The following GRM7 variants were observed in gnomAD, a reference collection of about 807,000 sequenced individuals.
GRM7 encodes the protein glutamate metabotropic receptor 7.
In GRM7, 35 loss-of-function variants were observed where a neutral mutation model predicts 84.5. The ratio of observed to expected loss-of-function variants is 0.41; its 90% CI spans 0.32 to 0.55. The LOEUF (loss-of-function observed/expected upper bound fraction) is 0.55, where lower values mean the gene tolerates loss of function less well. Among genes scored for constraint, GRM7 ranks in the 20% least tolerant of loss-of-function variants. The probability of loss-of-function intolerance (pLI) is 0.19; values close to 1 mark genes in which losing one functional copy is unlikely to be tolerated. For missense variants in GRM7, 1,003 were observed against 1,194.6 expected (o/e 0.84, Z 2.36); for synonymous variants, 487 against 455.1 (o/e 1.07, Z -0.89).
intron 1 of GRM7, among the ~76,000 whole-genome samples, chr3:7,118,246 C>G (rs911406906): frequency 6.6e-6 from 1 of 151,604 alleles, no homozygotes; most frequent in African/African-American, 2.4e-5. Flanking sequence ...TAAAAATTAG[C>G]TGGGCATGGT....
intron 2 of GRM7, among the ~76,000 whole-genome samples, chr3:7,187,556 G>T (rs1695561886): frequency 1.3e-5 from 2 of 152,222 alleles, no homozygotes; most frequent in African/African-American, 4.8e-5. Context: ...TGAAGCAACA[G>T]TGTTACAGGT....
chr3:7,284,507 C>T (rs1270277585), intron 2 of GRM7, among the ~76,000 whole-genome samples: 6 of 152,030 alleles, frequency 3.9e-5, no homozygotes, highest in Non-Finnish European at 1.5e-5. Flanking sequence ...TTTATCTTGC[C>T]TCTTTATCGC....
At position 6,863,023 on chromosome 3, in the gene GRM7, G is replaced by T. The variant is rs1325625678; in HGVS notation, c.519+1116G>T. ...CTGGGTAGGAATGAGTGGCTTTGGG[G>T]TTTGGAAATTGAGTTTCAGGGTCTC... is the stretch of plus-strand genomic sequence containing the variant. On this transcript the variant is annotated intron_variant, in intron 1 of 9. Transcript: ENST00000357716. The surrounding 1 kb of genome is among the most constrained non-coding windows in gnomAD (Gnocchi z 4.8). The T allele has an allele frequency of 4.4e-6, 2 of 455,824 alleles. No individual in the cohort carries two copies. Among genetic ancestry groups the T allele is most frequent in the Admixed American group, 4.7e-5 (2 of 42,468 alleles). The allele number at this position is 455,824 out of a possible 1,614,324, so 28.2% of individuals were successfully genotyped here.
chr3:7,387,378 G>A (rs1323637655), intron 4 of GRM7, among the ~76,000 whole-genome samples: 2 of 152,168 alleles, frequency 1.3e-5, no homozygotes, highest in Non-Finnish European at 2.9e-5. Flanking sequence ...CCAATGCCTA[G>A]AAGAGTTTTC....
chr3:6,864,642 G>A (rs1485782040), intron 1 of GRM7, among the ~76,000 whole-genome samples: 5 of 152,166 alleles, frequency 3.3e-5, no homozygotes, highest in Admixed American at 2.6e-4. Flanking sequence ...GTTCCCTGCA[G>A]GTTGCTTTAG....
chr3:7,369,923 C>T (rs79706002), intron 4 of GRM7, among the ~76,000 whole-genome samples: 11,074 of 152,026 alleles, frequency 0.073, 428 homozygotes, highest in Non-Finnish European at 0.09. Context: ...TCTTCTATTC[C>T]GATCTAGTCG....
intron 9 of GRM7, among the ~76,000 whole-genome samples, chr3:7,684,483 A>T (rs1237313887): frequency 6.6e-6 from 1 of 152,174 alleles, no homozygotes; most frequent in Non-Finnish European, 1.5e-5. Flanking sequence ...TTCACTTTTA[A>T]CAGCTCTGCT....
chr3:7,044,903 G>T (rs1190691328), intron 1 of GRM7, among the ~76,000 whole-genome samples: 1 of 152,238 alleles, frequency 6.6e-6, no homozygotes, highest in Admixed American at 6.5e-5. Flanking sequence ...TGCTCAATTT[G>T]CAGGTCATTT....
At chr3:6,881,588 A>C (rs1268369732) in intron 1 of GRM7, among the ~76,000 whole-genome samples, 2 of 128,908 alleles carry the variant, frequency 1.6e-5, no homozygotes, top group Non-Finnish European at 1.8e-5. Flanking sequence ...AACTCAAACA[A>C]ATTTTAAAGA....
intron 8 of GRM7, among the ~76,000 whole-genome samples, chr3:7,624,700 G>T (rs534137772): frequency 6.6e-6 from 1 of 152,234 alleles, no homozygotes; most frequent in African/African-American, 2.4e-5. Context: ...CTAAATCAGG[G>T]TATGAAGCAT....
chr3:7,074,999 T>G (rs947290689), intron 1 of GRM7, among the ~76,000 whole-genome samples: 4 of 152,232 alleles, frequency 2.6e-5, no homozygotes, highest in African/African-American at 9.6e-5. Flanking sequence ...TGAGGAACAG[T>G]ACTGAAGTCA....
chr3:7,217,331 A>G (rs1696648437), intron 2 of GRM7, among the ~76,000 whole-genome samples: 1 of 152,144 alleles, frequency 6.6e-6, no homozygotes, highest in Non-Finnish European at 1.5e-5. Flanking sequence ...CAAAGTACGG[A>G]GTTGTTATAG....
At chr3:7,145,676 A>G (rs1694084505) in intron 1 of GRM7, among the ~76,000 whole-genome samples, 2 of 152,132 alleles carry the variant, frequency 1.3e-5, no homozygotes, top group Non-Finnish European at 2.9e-5. Flanking sequence ...CAAAAGTTCT[A>G]GAGCTCTTCA....
At chr3:7,595,164 T>C (rs115582836) in intron 8 of GRM7, among the ~76,000 whole-genome samples, 324 of 152,344 alleles carry the variant, frequency 2.1e-3, no homozygotes, top group African/African-American at 7.5e-3. Flanking sequence ...TAGTGCTTCA[T>C]GAAATCTACA....
At chr3:6,925,244 G>A (rs1455362879) in intron 1 of GRM7, among the ~76,000 whole-genome samples, 1 of 152,144 alleles carries the variant, frequency 6.6e-6, no homozygotes, top group East Asian at 1.9e-4. Context: ...TAAGGAGATT[G>A]ATGTCTGCTG....
At chr3:6,904,744 G>A (rs1375100818) in intron 1 of GRM7, among the ~76,000 whole-genome samples, 3 of 150,710 alleles carry the variant, frequency 2.0e-5, no homozygotes, top group Non-Finnish European at 3.0e-5. Flanking sequence ...CTTTTGAGAT[G>A]AGGTCTCAGT....
intron 2 of GRM7, among the ~76,000 whole-genome samples, chr3:7,248,147 C>T (rs952130310): frequency 1.3e-5 from 2 of 152,142 alleles, no homozygotes; most frequent in Non-Finnish European, 2.9e-5. Context: ...GAAAGCATGT[C>T]CACTTACAGA....
intron 1 of GRM7, among the ~76,000 whole-genome samples, chr3:6,874,546 G>A (rs1019145033): frequency 2.6e-5 from 4 of 152,086 alleles, no homozygotes; most frequent in Non-Finnish European, 5.9e-5. Context: ...TCTCCCACTC[G>A]GGTAGGAAAA....
rs147135565 is a variant in GRM7, at chr3:7,455,385, T to C, written c.1375+2578T>C. On this transcript the variant is annotated intron_variant, in intron 6 of 9. Coordinates refer to ENST00000357716, the MANE Select transcript of GRM7 (RefSeq NM_000844.4). ...AAAGTACCTTTCACCAAGATACATA[T>C]GAATAACCAAAAACAAAATAGTAGC... Among the ~76,000 whole-genome samples, 140 of 152,170 alleles carry C rather than the reference T, an allele frequency of 9.2e-4. 1 individual carries two copies. Among genetic ancestry groups the C allele is most frequent in the African/African-American group, 3.2e-3 (132 of 41,544 alleles).
Sources: gnomAD v4.1 joint callset for allele counts (sites outside exome capture counted in the v4.1 genomes callset) on GRCh38, gnomAD v4.1.1 for gene constraint, Gnocchi (gnomAD v3.1) non-coding constraint, MANE v1.5 for transcripts, NCBI Gene and HGNC (gene_info 2026-07-23, HGNC 2026-07-21) for gene names.